The following KIF21B variants were observed in gnomAD, a reference collection of about 807,000 sequenced individuals.
The protein encoded by KIF21B is kinesin-like protein KIF21B.
In KIF21B, 85 loss-of-function variants were observed where a neutral mutation model predicts 192.9. That is an observed-to-expected ratio of 0.44 (90% confidence interval 0.37 to 0.53). The LOEUF is 0.53. Ranked by LOEUF, KIF21B falls within the 20% of genes least tolerant of loss-of-function variation. The probability of loss-of-function intolerance (pLI) is 0.00; values close to 1 mark genes in which losing one functional copy is unlikely to be tolerated. For synonymous variants in KIF21B, 832 were observed against 884.6 expected (o/e 0.94, Z 1.05); for missense variants, 1,716 against 2,194.8 (o/e 0.78, Z 4.36).
At position 200,992,385 on chromosome 1, in the gene KIF21B, G is replaced by T; in HGVS notation, c.2282C>A (p.Ala761Asp). 1 of 1,612,634 alleles carries T rather than the reference G, an allele frequency of 6.2e-7. No individual in the cohort carries two copies. Reference sequence around the variant, plus strand: ...CTCCTCACGCATCTGCTTCATCAGGGCCACCTGGGATGGGCAGAGATTATG... The same window carrying T: ...CTCCTCACGCATCTGCTTCATCAGGTCCACCTGGGATGGGCAGAGATTATG... Reference protein sequence around the residue: ...EVAEMKKAKVALMKQMREEQQ... With the variant: ...EVAEMKKAKVDLMKQMREEQQ... Residue 761 changes from alanine (A) to aspartate (D), a missense_variant, in exon 16 of 35, where the codon GCC (alanine) becomes GAC (aspartate). Around this residue, in one of 3 missense-constraint regions of KIF21B, gnomAD observed 1,087 missense variants for 1,316.6 expected, o/e 0.83. Transcript: ENST00000461742.
At chr1:200,987,985 TG>T (rs1388052212) in intron 24 of KIF21B, among the ~76,000 whole-genome samples, 9 of 151,990 alleles carry the variant, frequency 5.9e-5, no homozygotes, top group Non-Finnish European at 1.3e-4. Context: ...GAATCATGGG[TG>T]GGGGAAAGGG....
At chr1:200,986,102 C>T (rs939717772) in intron 26 of KIF21B, among the ~76,000 whole-genome samples, 18 of 151,960 alleles carry the variant, frequency 1.2e-4, no homozygotes, top group Admixed American at 5.9e-4. Context: ...CTGCCTCAGC[C>T]TCCCAAAGTG....
At chr1:201,003,255 A>G in intron 8 of KIF21B, 1 of 396,314 alleles carries the variant, frequency 2.5e-6, no homozygotes, top group East Asian at 5.8e-5. Context: ...GTTCCAACAC[A>G]ACACATTCAG....
At chr1:201,001,923 T>C (rs973781330) in intron 9 of KIF21B, 3 of 554,634 alleles carry the variant, frequency 5.4e-6, no homozygotes, top group Admixed American at 3.1e-5. Flanking sequence ...GGAGAGGCGA[T>C]TTTAATCTTT....
At chr1:200,988,249 G>A (rs1656432261) in intron 24 of KIF21B, 47 bp downstream of exon 24, 2 of 1,549,440 alleles carry the variant, frequency 1.3e-6, no homozygotes, top group East Asian at 4.5e-5. Context: ...AGGCTGTGTG[G>A]AGGCTGGCCC....
Position 201,002,435 on chromosome 1 carries a change from C to T in KIF21B, c.1213-85G>A, listed in dbSNP as rs963362870. 9.7e-5 allele frequency: 124 copies of T among 1,278,786 alleles called. 1 individual carries two copies. In the East Asian group the frequency reaches 2.9e-3, roughly 30 times the overall value. The allele number at this position is 1,278,786 out of a possible 1,614,324, so 79.2% of individuals were successfully genotyped here. A position where few individuals can be genotyped will look rare whatever the true frequency, so the allele number is the denominator to read the frequency against. On this transcript the variant is annotated intron_variant, in intron 8 of 34. Coordinates refer to ENST00000461742, the MANE Select transcript of KIF21B (RefSeq NM_001252102.2). ...GGGCTGATGATGCCCCTCCCTCTGC[C>T]AGCGCCCTGGCCTTCCCCTGGATAT...
At chr1:201,004,533 A>T in intron 6 of KIF21B, 78 bp from the exon 7 acceptor site, 1 of 1,286,964 alleles carries the variant, frequency 7.8e-7, no homozygotes, top group Non-Finnish European at 1.1e-6. Flanking sequence ...TCCCCAACCC[A>T]TCTGTACCTG....
At chr1:200,986,309 G>A (rs916727307) in intron 26 of KIF21B, among the ~76,000 whole-genome samples, 4 of 151,834 alleles carry the variant, frequency 2.6e-5, no homozygotes, top group Non-Finnish European at 4.4e-5. Flanking sequence ...CCAGCATCTG[G>A]CTCGGCTATG....
At position 200,999,272 on chromosome 1, in the gene KIF21B, G is replaced by T; in HGVS notation, c.1885+77C>A. On this transcript the variant is annotated intron_variant, in intron 13 of 34. Transcript: ENST00000461742. This position sits in a 1 kb window ranked among gnomAD's most constrained non-coding sequence, Gnocchi z 4.7. The stretch of plus-strand genomic sequence containing the variant: ...GGGGCCTGGACACCATTATCTTTGA[G>T]CAGGGCCCGACCCCACACTTGGGCA... 1 of 1,565,386 alleles carries T rather than the reference G, an allele frequency of 6.4e-7. No individual in the cohort carries two copies. Among genetic ancestry groups the T allele is most frequent in the Non-Finnish European group, 8.8e-7 (1 of 1,137,810 alleles).
At chr1:200,977,611 C>A (rs1655642612) in intron 30 of KIF21B, among the ~76,000 whole-genome samples, 1 of 152,148 alleles carries the variant, frequency 6.6e-6, no homozygotes. Flanking sequence ...TGGTCACTGG[C>A]TTGGAAAGAT....
At chr1:201,004,569 G>C (rs769869997) in intron 6 of KIF21B, 114 bp from the exon 7 acceptor site, 6 of 1,147,864 alleles carry the variant, frequency 5.2e-6, no homozygotes, top group Non-Finnish European at 7.6e-6. Context: ...CAGCCCTCTT[G>C]CTCCTTGGGT....
Position 200,988,841 on chromosome 1 carries a change from G to C in KIF21B, c.3223C>G (p.Leu1075Val). 6 of 1,613,162 alleles carry C rather than the reference G, an allele frequency of 3.7e-6. No homozygotes were observed. In the African/African-American group the frequency reaches 6.7e-5, roughly 18 times the overall value. Residue 1075 changes from leucine (L) to valine (V), a missense_variant, in exon 22 of 35, where the codon CTG (leucine) becomes GTG (valine). Transcript: ENST00000461742. ...TDMAGSSQNH[L>V]LLDALREKAE... ...TTCTCACGCAGGGCGTCCAGGAGCA[G>C]ATGGTTCTGGGAGGAGCCTGCCATA...
At chr1:201,006,793 G>GAC (rs1351753876) in intron 3 of KIF21B, among the ~76,000 whole-genome samples, 2 of 151,696 alleles carry the variant, frequency 1.3e-5, no homozygotes, top group African/African-American at 2.4e-5. Flanking sequence ...CACGAACACA[G>GAC]ACACACACAC....
intron 1 of KIF21B, among the ~76,000 whole-genome samples, chr1:201,019,961 T>C (rs549235085): frequency 6.6e-6 from 1 of 152,286 alleles, no homozygotes; most frequent in South Asian, 2.1e-4. Flanking sequence ...ACTAGGGAAA[T>C]AACTGCAGCT....
At position 200,996,249 on chromosome 1, in the gene KIF21B, C is replaced by T. The variant is rs750865418; in HGVS notation, c.2224G>A (p.Glu742Lys). ...GCCTGTAGCTTCTTCAGCTCCCTCT[C>T]GTAGCGCGACTGGTTCTTAAGCAGC... ...ARLLKNQSRY[E>K]RELKKLQAEV... is the part of the protein sequence containing the mutation. The change falls in exon 15 of 35, where the codon GAG (glutamate) becomes AAG (lysine). Residue 742 changes from glutamate to lysine, a missense_variant. Glu to Lys is a moderately conservative substitution (Grantham distance 56, BLOSUM62 1). Around this residue, in one of 3 missense-constraint regions of KIF21B, gnomAD observed 1,087 missense variants for 1,316.6 expected, o/e 0.83. Transcript: ENST00000461742. 27 of 1,613,904 alleles carry T rather than the reference C, an allele frequency of 1.7e-5. No individual in the cohort carries two copies. In the East Asian group the frequency reaches 4.9e-4, roughly 29 times the overall value.
In KIF21B at chr1:201,023,265, GCGCCCCC is replaced by G; in HGVS notation, c.41+71_41+77del. ...GCAGGCTCCAGCCCAAGCGGTGCTC[GCGCCCCC>G]CGCCCAAAGCCCACGCGAGACAAAG... On this transcript the variant is annotated intron_variant, in intron 1 of 34. Transcript: ENST00000461742. The surrounding 1 kb of genome is among the most constrained non-coding windows in gnomAD (Gnocchi z 5.9). 1.5e-6 allele frequency: 2 copies of G among 1,312,094 alleles called. No homozygotes were observed. The highest frequency in any genetic ancestry group is 1.0e-6 in the Non-Finnish European group (1 of 973,236). 81.3% of individuals were successfully genotyped at this position (1,312,094 alleles called of 1,614,324 possible).
At position 200,998,730 on chromosome 1, in the gene KIF21B, G is replaced by C. The variant is rs1442753121; in HGVS notation, c.1886-155C>G. ...AAAATGATAAATCCTAATGCAGGTAGAATGCGGCCAGAAGGAGGAACACAT... is the reference window on the plus strand; with the variant it reads ...AAAATGATAAATCCTAATGCAGGTACAATGCGGCCAGAAGGAGGAACACAT... On this transcript the variant is annotated intron_variant, in intron 13 of 34. Transcript: ENST00000461742. This position sits in a 1 kb window ranked among gnomAD's most constrained non-coding sequence, Gnocchi z 4.3. Among the ~76,000 whole-genome samples, 1 of 152,160 alleles carries C rather than the reference G, an allele frequency of 6.6e-6. No homozygotes were observed. Among genetic ancestry groups the C allele is most frequent in the Non-Finnish European group, 1.5e-5 (1 of 68,032 alleles).
rs1035541328 is a variant in KIF21B at position 201,005,714 on chromosome 1, C to A, written c.448-20G>T. 5.0e-6 allele frequency: 8 copies of A among 1,610,942 alleles called. No individual in the cohort carries two copies. The Admixed American group carries it at 8.4e-5, about 17-fold the overall frequency. ...GTAGAGCTGTGCAGGAAGGAAACAG[C>A]TGAATTCATAGGGCATTCACTGGGG... is the stretch of plus-strand genomic sequence containing the variant. On this transcript the variant is annotated intron_variant, in intron 3 of 34. Coordinates refer to ENST00000461742, the MANE Select transcript of KIF21B (RefSeq NM_001252102.2).
At chr1:201,001,082 G>A (rs1266918044) in intron 9 of KIF21B, among the ~76,000 whole-genome samples, 1 of 149,384 alleles carries the variant, frequency 6.7e-6, no homozygotes, top group Non-Finnish European at 1.5e-5. Flanking sequence ...ACTCCAGCCT[G>A]GGCAACAAGA....
Sources: gnomAD v4.1 joint callset for allele counts (sites outside exome capture counted in the v4.1 genomes callset) on GRCh38, gnomAD v4.1.1 for gene constraint, gnomAD v4.1.1 regional missense constraint, Gnocchi (gnomAD v3.1) non-coding constraint, MANE v1.5 for transcripts, NCBI Gene and HGNC (gene_info 2026-07-23, HGNC 2026-07-21) for gene names.